The following G3BP2 variants were observed in gnomAD, a reference collection of about 807,000 sequenced individuals.
G3BP2 encodes the protein ras GTPase-activating protein-binding protein 2.
A neutral mutation model predicts 56.7 loss-of-function variants in G3BP2; 11 were observed. The observed-to-expected ratio is 0.19, with a 90% confidence interval of 0.12 to 0.32. The LOEUF (loss-of-function observed/expected upper bound fraction) is 0.32. Ranked by LOEUF, G3BP2 falls within the 10% of genes least tolerant of loss-of-function variation. The probability of loss-of-function intolerance (pLI) is 1.00; values close to 1 mark genes in which losing one functional copy is unlikely to be tolerated. For synonymous variants in G3BP2, 165 were observed against 191.6 expected (o/e 0.86, Z 1.15); for missense variants, 340 against 610.9 (o/e 0.56, Z 4.67).
intron 8 of G3BP2, chr4:75,649,039 G>T: frequency 7.7e-6 from 1 of 129,248 alleles, no homozygotes; most frequent in Non-Finnish European, 1.5e-5. Flanking sequence ...AAAAGGTATT[G>T]CTACCAAAAA....
chr4:75,674,706 ATATATATATATATTTTTTTTTTT>A (rs1208648341), upstream of G3BP2, among the ~76,000 whole-genome samples: 1 of 43,076 alleles, frequency 2.3e-5, no homozygotes, highest in Non-Finnish European at 4.8e-5. Flanking sequence ...ATATATATAT[ATATATATATATATTTTTTTTTTT>A]TTTTTTTTTT....
chr4:75,707,301 A>ATTGACC (rs1719585857), intron 3 of G3BP2, among the ~76,000 whole-genome samples: 1 of 152,100 alleles, frequency 6.6e-6, no homozygotes, highest in Admixed American at 6.5e-5. Context: ...GGATAAAGAA[A>ATTGACC]TTGACCTGAG....
intron 8 of G3BP2, among the ~76,000 whole-genome samples, chr4:75,650,271 C>G (rs1731571763): frequency 6.6e-6 from 1 of 151,230 alleles, no homozygotes; most frequent in Admixed American, 6.6e-5. Context: ...CCTGTCTCTA[C>G]TAAAAATACA....
chr4:75,681,621 A>G (rs2149067426), intron 3 of G3BP2, among the ~76,000 whole-genome samples: 1 of 151,902 alleles, frequency 6.6e-6, no homozygotes, highest in African/African-American at 2.4e-5. Context: ...AGGCTGAGGC[A>G]GGTGGATCAC....
At chr4:75,716,608 C>T (rs553451825) in intron 3 of G3BP2, among the ~76,000 whole-genome samples, 1 of 152,278 alleles carries the variant, frequency 6.6e-6, no homozygotes, top group East Asian at 1.9e-4. Context: ...CTCCGCCTCC[C>T]AGGTTCAAGC....
chr4:75,670,050 AG>A (rs1733365492), intron 1 of G3BP2, among the ~76,000 whole-genome samples: 3 of 152,190 alleles, frequency 2.0e-5, no homozygotes, highest in Non-Finnish European at 4.4e-5. Context: ...CTGAGTTGTA[AG>A]TACTTGGTAT....
intron 1 of G3BP2, among the ~76,000 whole-genome samples, chr4:75,664,949 G>A (rs1443938816): frequency 1.3e-5 from 2 of 152,012 alleles, no homozygotes; most frequent in Non-Finnish European, 2.9e-5. Flanking sequence ...TTGAGGCCAG[G>A]AGTTCAAGAC....
At chr4:75,649,619 T>C (rs1281962191) in intron 8 of G3BP2, among the ~76,000 whole-genome samples, 2 of 152,166 alleles carry the variant, frequency 1.3e-5, no homozygotes, top group Non-Finnish European at 2.9e-5. Context: ...TACCCAAATA[T>C]TTATGGTCCA....
At chr4:75,668,187 T>C (rs544492049) in intron 1 of G3BP2, among the ~76,000 whole-genome samples, 9 of 152,306 alleles carry the variant, frequency 5.9e-5, no homozygotes, top group Admixed American at 3.3e-4. Flanking sequence ...TTGGTAGACA[T>C]ACATGCAGAT....
chr4:75,677,900 A>G (rs971110857), upstream of G3BP2, among the ~76,000 whole-genome samples: 2 of 152,218 alleles, frequency 1.3e-5, no homozygotes, highest in Admixed American at 1.3e-4. Flanking sequence ...GGCGGCAACT[A>G]GGTCATGAGG....
intron 3 of G3BP2, among the ~76,000 whole-genome samples, chr4:75,699,257 A>G (rs571996716): frequency 6.6e-6 from 1 of 152,318 alleles, no homozygotes; most frequent in Non-Finnish European, 1.5e-5. Flanking sequence ...CTCTCTAGCA[A>G]TCAGTCAGTT....
At chr4:75,686,597 C>T (rs986330663) in intron 3 of G3BP2, among the ~76,000 whole-genome samples, 1 of 150,756 alleles carries the variant, frequency 6.6e-6, no homozygotes, top group African/African-American at 2.4e-5. Context: ...GGTGGCACAG[C>T]ACTAACATGT....
chr4:75,669,780 G>A (rs1286739701), intron 1 of G3BP2, among the ~76,000 whole-genome samples: 1 of 152,166 alleles, frequency 6.6e-6, no homozygotes, highest in Non-Finnish European at 1.5e-5. Context: ...TGGCTACTAT[G>A]TATGTACCAG....
At chr4:75,665,511 C>T (rs1732938977) in intron 1 of G3BP2, among the ~76,000 whole-genome samples, 1 of 152,164 alleles carries the variant, frequency 6.6e-6, no homozygotes, top group Admixed American at 6.6e-5. Flanking sequence ...TTTGGGACGT[C>T]GAAGTGGGCA....
At chr4:75,664,667 GTGAAACCCCATCTCTAC>G (rs1240494373) in intron 1 of G3BP2, among the ~76,000 whole-genome samples, 2 of 152,150 alleles carry the variant, frequency 1.3e-5, no homozygotes, top group African/African-American at 4.8e-5. Context: ...GACCAAGATG[GTGAAACCCCATCTCTAC>G]TAAAAATACA....
upstream of G3BP2, among the ~76,000 whole-genome samples, chr4:75,676,336 A>ATTTTTT (rs34017434): frequency 2.3e-4 from 21 of 92,068 alleles, no homozygotes; most frequent in East Asian, 3.2e-4. Flanking sequence ...ATTGCCAATA[A>ATTTTTT]TTTTTTTTTT....
At chr4:75,655,317 C>A in intron 6 of G3BP2, 71 bp from the exon 7 acceptor site, 2 of 1,094,704 alleles carry the variant, frequency 1.8e-6, no homozygotes, top group Non-Finnish European at 2.7e-6. Flanking sequence ...CTCTCTAATC[C>A]AATGGGTGTA....
intron 1 of G3BP2, among the ~76,000 whole-genome samples, chr4:75,665,926 C>T (rs1344857698): frequency 5.3e-5 from 8 of 152,070 alleles, no homozygotes; most frequent in African/African-American, 1.4e-4. Context: ...TAGGAATTTC[C>T]GGGTTTGGGA....
intron 3 of G3BP2, among the ~76,000 whole-genome samples, chr4:75,709,426 A>G: frequency 6.6e-6 from 1 of 150,492 alleles, no homozygotes; most frequent in Non-Finnish European, 1.5e-5. Context: ...TCTCAAAAAA[A>G]AAAAAAAAAA....
Sources: gnomAD v4.1 joint callset for allele counts (sites outside exome capture counted in the v4.1 genomes callset) on GRCh38, gnomAD v4.1.1 for gene constraint, MANE v1.5 for transcripts, NCBI Gene and HGNC (gene_info 2026-07-23, HGNC 2026-07-21) for gene names.